Variants in LRRC2 observed in about 807,000 individuals in gnomAD.
The protein encoded by LRRC2 is leucine rich repeat containing 2.
Under a neutral mutation model 40.2 loss-of-function variants are expected in LRRC2, and 27 were observed. The observed-to-expected ratio is 0.67, with a 90% CI of 0.49 to 0.93. The LOEUF (loss-of-function observed/expected upper bound fraction) is 0.93. Ranked by LOEUF, LRRC2 falls within the 40% of genes least tolerant of loss-of-function variation. The pLI is 0.00. For missense variants in LRRC2, 402 were observed against 439.6 expected, an observed-to-expected ratio of 0.91 and a Z score of 0.76; for synonymous variants, 147 against 158.9, an observed-to-expected ratio of 0.92 and a Z score of 0.56.
At chr3:46,562,731 CTT>C (rs34694804) in intron 1 of LRRC2, among the ~76,000 whole-genome samples, 11 of 141,846 alleles carry the variant, frequency 7.8e-5, no homozygotes, top group Admixed American at 2.1e-4. Context: ...GAAGTTACTT[CTT>C]TTTTTTTTTT....
At chr3:46,520,179 G>T (rs1703941109) in intron 8 of LRRC2, among the ~76,000 whole-genome samples, 1 of 148,038 alleles carries the variant, frequency 6.8e-6, no homozygotes, top group South Asian at 2.1e-4. Context: ...TTTATTAAAT[G>T]ATATTTTATA....
At chr3:46,529,827 T>C in intron 6 of LRRC2, 78 bp downstream of exon 6, 1 of 1,448,084 alleles carries the variant, frequency 6.9e-7, no homozygotes, top group Non-Finnish European at 9.6e-7. Flanking sequence ...TCATGTACTA[T>C]ACATGTTTCA....
At chr3:46,529,748 C>G (rs1413018787) in intron 6 of LRRC2, among the ~76,000 whole-genome samples, 157 bp downstream of exon 6, 1 of 152,152 alleles carries the variant, frequency 6.6e-6, no homozygotes, top group Admixed American at 6.5e-5. Context: ...TTGTCTTATT[C>G]TATAATTTCC....
rs780451237 is a variant in LRRC2 at position 46,521,684 on chromosome 3, C to T, written c.930-26G>A. The T allele has an allele frequency of 3.1e-6, 5 of 1,598,368 alleles. No homozygotes were observed. The Middle Eastern group carries it at 5.0e-4, about 161-fold the overall frequency. On this transcript the variant is annotated intron_variant, in intron 7 of 8. Coordinates refer to ENST00000395905, the MANE Select transcript of LRRC2 (RefSeq NM_024512.5). Reference sequence around the variant, plus strand: ...CTATTCGAGAAAGCATGGGAAGTATCACATTATCACCTGTGCGTTTTAAAC... The same window carrying T: ...CTATTCGAGAAAGCATGGGAAGTATTACATTATCACCTGTGCGTTTTAAAC...
intron 4 of LRRC2, among the ~76,000 whole-genome samples, chr3:46,538,360 T>TA: frequency 6.6e-6 from 1 of 152,276 alleles, no homozygotes; most frequent in Non-Finnish European, 1.5e-5. Context: ...TCAGGCTGGT[T>TA]ACTGTGGCTC....
At chr3:46,536,180 G>A (rs1243695347) in intron 4 of LRRC2, among the ~76,000 whole-genome samples, 1 of 152,208 alleles carries the variant, frequency 6.6e-6, no homozygotes, top group Non-Finnish European at 1.5e-5. Context: ...GAGCATGAGT[G>A]TATGTACAGT....
At chr3:46,530,129 A>G in intron 5 of LRRC2, 79 bp from the exon 6 acceptor site, 1 of 1,182,510 alleles carries the variant, frequency 8.5e-7, no homozygotes, top group Middle Eastern at 1.9e-4. Context: ...TAAGATGGAT[A>G]TTTCTTCCCC....
chr3:46,561,099 A>G (rs544852383), intron 1 of LRRC2, among the ~76,000 whole-genome samples: 1 of 152,260 alleles, frequency 6.6e-6, no homozygotes, highest in South Asian at 2.1e-4. Context: ...ACAAAGGAGA[A>G]CCCTCTGGCG....
chr3:46,541,684 G>C (rs964811049), intron 3 of LRRC2, among the ~76,000 whole-genome samples: 10 of 152,162 alleles, frequency 6.6e-5, no homozygotes, highest in Non-Finnish European at 1.3e-4. Context: ...GAAGAGCCTG[G>C]TACCCCTGGA....
intron 4 of LRRC2, among the ~76,000 whole-genome samples, chr3:46,533,616 T>G (rs1704198552): frequency 6.6e-6 from 1 of 152,168 alleles, no homozygotes; most frequent in East Asian, 1.9e-4. Context: ...AAAGCCTGTT[T>G]TATAATAAAG....
intron 8 of LRRC2, among the ~76,000 whole-genome samples, chr3:46,519,910 A>G (rs1385332406): frequency 2.0e-5 from 3 of 152,222 alleles, no homozygotes; most frequent in African/African-American, 4.8e-5. Context: ...ATGCCTGACC[A>G]TATCTAGGTC....
intron 2 of LRRC2, among the ~76,000 whole-genome samples, chr3:46,547,127 A>G (rs1704543400): frequency 1.3e-5 from 2 of 152,212 alleles, no homozygotes; most frequent in Non-Finnish European, 2.9e-5. Context: ...CCAGGTCTAC[A>G]TGCAAATGTC....
chr3:46,557,284 C>G (rs1704826404), intron 1 of LRRC2: 1 of 153,432 alleles, frequency 6.5e-6, no homozygotes, highest in Admixed American at 6.5e-5. Flanking sequence ...AACTCCCCCA[C>G]TGAGCACCTT....
chr3:46,522,750 AACT>A (rs1703986734), intron 7 of LRRC2, among the ~76,000 whole-genome samples: 1 of 139,248 alleles, frequency 7.2e-6, no homozygotes, highest in African/African-American at 2.7e-5. Context: ...ATAAAAGATG[AACT>A]ACTGCTAACA....
chr3:46,563,082 A>G (rs1204562605), intron 1 of LRRC2, among the ~76,000 whole-genome samples: 2 of 151,774 alleles, frequency 1.3e-5, no homozygotes, highest in Non-Finnish European at 2.9e-5. Flanking sequence ...TGCAGATAGT[A>G]TGCACACACA....
At chr3:46,557,590 T>C (rs953082441) in intron 1 of LRRC2, 4 of 152,252 alleles carry the variant, frequency 2.6e-5, no homozygotes, top group East Asian at 1.9e-4. Context: ...AATTATTGTC[T>C]TTTTATTTCT....
chr3:46,517,165 C>T lies in LRRC2; in HGVS notation c.*1849G>A, dbSNP rs1033570008. 2 of 152,192 alleles carry T rather than the reference C, an allele frequency of 1.3e-5. No individual in the cohort carries two copies. The highest frequency in any genetic ancestry group is 2.4e-5 in the African/African-American group (1 of 41,512). The allele number at this position is 152,192 out of a possible 1,614,324, so 9.4% of individuals were successfully genotyped here. On this transcript the variant is annotated 3_prime_UTR_variant, in exon 9 of 9. Coordinates refer to ENST00000395905, the MANE Select transcript of LRRC2 (RefSeq NM_024512.5). ...GGACAACGCAAATACAGAACATTTC[C>T]GTCACTGCAGAAAGCTCCACTGGAT...
Position 46,521,604 on chromosome 3 carries a change from A to C in LRRC2, c.984T>G (p.Asn328Lys), listed in dbSNP as rs773121043. ...PIDNAQCEDG[N>K]EIMESERDRQ... ...GATCCCGTTCACTTTCCATTATTTC[A>C]TTGCCATCTTCACATTGGGCATTAT... Residue 328 changes from asparagine to lysine, a missense_variant, in exon 8 of 9, where the codon AAT becomes AAG. Asn to Lys is a moderately conservative substitution (Grantham distance 94). Coordinates refer to ENST00000395905, the MANE Select transcript of LRRC2 (RefSeq NM_024512.5). 6.2e-7 allele frequency: 1 copy of C among 1,613,104 alleles called. No homozygotes were observed. The highest frequency in any genetic ancestry group is 8.5e-7 in the Non-Finnish European group (1 of 1,179,636).
intron 1 of LRRC2, among the ~76,000 whole-genome samples, chr3:46,553,057 G>A (rs1221164819): frequency 6.6e-6 from 1 of 152,164 alleles, no homozygotes; most frequent in African/African-American, 2.4e-5. Context: ...ATGCATGAGT[G>A]AGTGAATGAA....
Sources: allele counts gnomAD v4.1 joint callset (sites outside exome capture counted in the v4.1 genomes callset), GRCh38; gene constraint gnomAD v4.1.1; transcripts MANE v1.5; gene names NCBI Gene and HGNC (gene_info 2026-07-23, HGNC 2026-07-21).